The following PCDHA13 variants were observed in gnomAD, a reference collection of about 807,000 sequenced individuals.
PCDHA13 encodes protocadherin alpha-13.
PCDHA13 carries 54 observed loss-of-function variants against 64.8 expected under a neutral mutation model. That is an observed-to-expected ratio of 0.83 (90% CI 0.67 to 1.04). The LOEUF is 1.04. Ranked by LOEUF, PCDHA13 falls within the 50% of genes least tolerant of loss-of-function variation. The pLI, the probability that PCDHA13 is intolerant of heterozygous loss-of-function variation, is 0.00. For synonymous variants in PCDHA13, 587 were observed against 564.4 expected, an observed-to-expected ratio of 1.04 and a Z score of -0.57; for missense variants, 1,248 against 1,254.3, an observed-to-expected ratio of 0.99 and a Z score of 0.08.
chr5:140,957,523 T>G (rs987363578), intron 1 of PCDHA13, among the ~76,000 whole-genome samples: 1 of 152,156 alleles, frequency 6.6e-6, no homozygotes, highest in African/African-American at 2.4e-5. Context: ...TTTCAGACAT[T>G]CAGTGGGGAT....
intron 1 of PCDHA13, among the ~76,000 whole-genome samples, chr5:140,911,789 G>A (rs1399185754): frequency 6.6e-6 from 1 of 152,024 alleles, no homozygotes; most frequent in Non-Finnish European, 1.5e-5. Flanking sequence ...GCATTTTTGG[G>A]TCTAATCATA....
intron 3 of PCDHA13, among the ~76,000 whole-genome samples, chr5:140,983,739 G>T (rs983923811): frequency 5.3e-5 from 8 of 152,194 alleles, no homozygotes; most frequent in African/African-American, 1.9e-4. Context: ...TGGCTGGCTT[G>T]CAATAATCCA....
chr5:140,961,920 G>A (rs2095643236), intron 1 of PCDHA13, among the ~76,000 whole-genome samples: 1 of 147,904 alleles, frequency 6.8e-6, no homozygotes, highest in South Asian at 2.1e-4. Context: ...GTCTCGCTCT[G>A]TTGCCCAGGC....
chr5:140,913,410 C>T (rs375204256), intron 1 of PCDHA13, among the ~76,000 whole-genome samples: 6 of 152,040 alleles, frequency 3.9e-5, no homozygotes, highest in African/African-American at 1.4e-4. Context: ...CCTTTGAATT[C>T]CTGCAGTATC....
chr5:140,910,191 CTT>C (rs1384563815), intron 1 of PCDHA13, among the ~76,000 whole-genome samples: 2 of 152,152 alleles, frequency 1.3e-5, no homozygotes, highest in Non-Finnish European at 2.9e-5. Context: ...TCAAATTAGT[CTT>C]TTGTCCACTT....
intron 1 of PCDHA13, among the ~76,000 whole-genome samples, chr5:140,932,852 T>C (rs2088679496): frequency 1.3e-5 from 2 of 151,996 alleles, no homozygotes; most frequent in Non-Finnish European, 2.9e-5. Flanking sequence ...ATAATGTTAA[T>C]GACTTATTGT....
chr5:140,884,504 G>A lies in PCDHA13; in HGVS notation c.2236G>A (p.Gly746Arg), dbSNP rs782001863. Residue 746 changes from glycine (G) to arginine (R), a missense_variant, in exon 1 of 4, where the codon GGG becomes AGG. Coordinates refer to ENST00000289272, the MANE Select transcript of PCDHA13 (RefSeq NM_018904.3). ...KPTLVCSSAA[G>R]SWSYSQQRRP... ...CACTCTAGTGTGCTCCAGCGCGGCA[G>A]GGAGTTGGTCGTACTCGCAGCAGAG... The A allele has an allele frequency of 3.1e-6, 5 of 1,614,180 alleles. No individual in the cohort carries two copies. The highest frequency in any genetic ancestry group is 3.3e-5 in the Admixed American group (2 of 60,036).
At chr5:140,939,317 A>T (rs2092365663) in intron 1 of PCDHA13, among the ~76,000 whole-genome samples, 1 of 152,148 alleles carries the variant, frequency 6.6e-6, no homozygotes, top group Admixed American at 6.5e-5. Flanking sequence ...CTACCTCCTA[A>T]TATCATAATC....
chr5:140,902,114 A>G (rs2069112413), intron 1 of PCDHA13, among the ~76,000 whole-genome samples: 1 of 151,286 alleles, frequency 6.6e-6, no homozygotes. Flanking sequence ...TTTTTTTAAA[A>G]CTGAGATTAT....
chr5:141,010,006 T>C lies in PCDHA13; in HGVS notation c.*69T>C. The stretch of plus-strand genomic sequence containing the variant: ...ATGGCAAATCTCTCCCATGTAGCAA[T>C]TCCCTGCTCCTTTTTCCTATCTACA... On this transcript the variant is annotated 3_prime_UTR_variant, in exon 4 of 4. Transcript: ENST00000289272. 1 of 1,572,424 alleles carries C rather than the reference T, an allele frequency of 6.4e-7. No individual in the cohort carries two copies. Among genetic ancestry groups the C allele is most frequent in the Non-Finnish European group, 8.6e-7 (1 of 1,163,442 alleles).
chr5:140,968,802 C>T, intron 1 of PCDHA13: 1 of 1,614,218 alleles, frequency 6.2e-7, no homozygotes. Flanking sequence ...ATTACAGTAG[C>T]TGTGGTGGAT....
At chr5:140,968,907 C>G in intron 1 of PCDHA13, 1 of 1,614,180 alleles carries the variant, frequency 6.2e-7, no homozygotes. Context: ...GCATTAAGCA[C>G]AGTGTCTTTT....
chr5:140,977,012 TTC>T (rs2096742095), intron 1 of PCDHA13, among the ~76,000 whole-genome samples: 1 of 152,220 alleles, frequency 6.6e-6, no homozygotes, highest in African/African-American at 2.4e-5. Context: ...GTAACTGTGA[TTC>T]TGTCAAATGA....
rs1554239929 is a variant in PCDHA13 at position 140,978,939 on chromosome 5, G to A, written c.2395-10G>A. 1 of 1,613,986 alleles carries A rather than the reference G, an allele frequency of 6.2e-7. No individual in the cohort carries two copies. The highest frequency in any genetic ancestry group is 1.3e-5 in the African/African-American group (1 of 74,908). On this transcript the variant is annotated splice_polypyrimidine_tract_variant and intron_variant, in intron 1 of 3. Transcript: ENST00000289272. ...CATTTTAACAGAAAACTCTCTTTGTGATTTTGCAGCCACGACAGCCCAACC... is the reference window on the plus strand; with the variant it reads ...CATTTTAACAGAAAACTCTCTTTGTAATTTTGCAGCCACGACAGCCCAACC...
chr5:140,928,622 G>C, intron 1 of PCDHA13: 1 of 1,614,226 alleles, frequency 6.2e-7, no homozygotes, highest in South Asian at 1.1e-5. Flanking sequence ...GCCAGGACTG[G>C]ACACTTGGTC....
chr5:140,927,632 C>G (rs2084445013), intron 1 of PCDHA13: 2 of 1,614,142 alleles, frequency 1.2e-6, no homozygotes, highest in Non-Finnish European at 1.7e-6. Context: ...GAGACTGCAC[C>G]CAATGGGACT....
At chr5:140,943,500 G>C (rs907493905) in intron 1 of PCDHA13, among the ~76,000 whole-genome samples, 1 of 152,048 alleles carries the variant, frequency 6.6e-6, no homozygotes, top group Admixed American at 6.6e-5. Context: ...TGCTATCAAG[G>C]TTCATGGAAA....
chr5:140,905,643 A>G (rs532700036), intron 1 of PCDHA13, among the ~76,000 whole-genome samples: 1 of 152,306 alleles, frequency 6.6e-6, no homozygotes, highest in Non-Finnish European at 1.5e-5. Context: ...TCAGTTTCAC[A>G]GTATTGATTC....
intron 1 of PCDHA13, chr5:140,927,232 G>A (rs1554204208): frequency 6.2e-7 from 1 of 1,614,104 alleles, no homozygotes; most frequent in African/African-American, 1.3e-5. Flanking sequence ...TCGGATTCAC[G>A]TCCTGGACAC....
Sources: gnomAD v4.1 joint callset for allele counts (sites outside exome capture counted in the v4.1 genomes callset) on GRCh38, gnomAD v4.1.1 for gene constraint, MANE v1.5 for transcripts, NCBI Gene and HGNC (gene_info 2026-07-23, HGNC 2026-07-21) for gene names.